PTPRN2: variants seen among roughly 807,000 people sequenced by gnomAD.
PTPRN2 encodes protein tyrosine phosphatase receptor type N2.
Under a neutral mutation model 118.8 loss-of-function variants are expected in PTPRN2, and 74 were observed. That is an observed-to-expected ratio of 0.62 (90% CI 0.52 to 0.76). PTPRN2 has a LOEUF of 0.76. Ranked by LOEUF, PTPRN2 falls within the 30% of genes least tolerant of loss-of-function variation. The probability of loss-of-function intolerance (pLI) is 0.00; values close to 1 mark genes in which losing one functional copy is unlikely to be tolerated. For synonymous variants in PTPRN2, 641 were observed against 608.0 expected, an observed-to-expected ratio of 1.05 and a Z score of -0.80; for missense variants, 1,481 against 1,394.4, an observed-to-expected ratio of 1.06 and a Z score of -0.99.
chr7:158,002,654 G>C (rs1188328923), intron 11 of PTPRN2, among the ~76,000 whole-genome samples: 1 of 152,220 alleles, frequency 6.6e-6, no homozygotes, highest in Non-Finnish European at 1.5e-5. Context: ...ACGGGGGTCA[G>C]GGAGCCTGGG....
At chr7:158,130,212 G>A (rs1004865066) in intron 9 of PTPRN2, among the ~76,000 whole-genome samples, 3 of 152,212 alleles carry the variant, frequency 2.0e-5, no homozygotes, top group East Asian at 1.9e-4. Context: ...TGCGAGGCTC[G>A]CAGAGCCCGC....
At chr7:158,472,902 G>A (rs545723040) in intron 2 of PTPRN2, among the ~76,000 whole-genome samples, 73 of 152,224 alleles carry the variant, frequency 4.8e-4, no homozygotes, top group South Asian at 1.7e-3. Context: ...AGAGAACCCG[G>A]CTGCAAATCA....
At chr7:158,387,574 C>CTAAAGCACTCTCTGGG (rs1554487904) in intron 2 of PTPRN2, among the ~76,000 whole-genome samples, 3 of 152,084 alleles carry the variant, frequency 2.0e-5, no homozygotes, top group African/African-American at 4.8e-5. Flanking sequence ...TCCCTGTCAG[C>CTAAAGCACTCTCTGGG]TCAGCTTGGC....
chr7:157,934,141 G>A (rs1991963), intron 11 of PTPRN2, among the ~76,000 whole-genome samples: 48,066 of 152,046 alleles, frequency 0.32, 9,493 homozygotes, highest in African/African-American at 0.54. Flanking sequence ...CCATCTTGCC[G>A]CTGGTGACGT....
At chr7:158,203,739 G>C (rs1239559369) in intron 4 of PTPRN2, among the ~76,000 whole-genome samples, 4 of 152,210 alleles carry the variant, frequency 2.6e-5, no homozygotes, top group African/African-American at 7.2e-5. Flanking sequence ...AACGCCCCCA[G>C]TGGAATTTAG....
rs142686450 is a variant in PTPRN2 at position 157,640,471 on chromosome 7, T to A, written c.2196+15886A>T. Among the ~76,000 whole-genome samples the A allele has an allele frequency of 1.5e-3, 222 of 152,078 alleles. 1 individual carries two copies. The highest frequency in any genetic ancestry group is 5.2e-3 in the African/African-American group (215 of 41,492). ...CATTAGAGGGGAGAATGGAAGAGAGTCAAATGTAAATTATATATGGTTTAT... is the reference window on the plus strand; with the variant it reads ...CATTAGAGGGGAGAATGGAAGAGAGACAAATGTAAATTATATATGGTTTAT... On this transcript the variant is annotated intron_variant, in intron 14 of 22. Transcript: ENST00000389418.
At chr7:157,542,874 G>A (rs1798081093) in intron 22 of PTPRN2, among the ~76,000 whole-genome samples, 1 of 152,220 alleles carries the variant, frequency 6.6e-6, no homozygotes, top group Admixed American at 6.5e-5. Context: ...GAGGGGTGCT[G>A]TGAGCCTCAG....
intron 2 of PTPRN2, among the ~76,000 whole-genome samples, chr7:158,458,601 C>T (rs998214550): frequency 6.6e-6 from 1 of 152,202 alleles, no homozygotes; most frequent in South Asian, 2.1e-4. Flanking sequence ...ATCACCCTCT[C>T]GTGCGGTCTC....
Position 157,596,054 on chromosome 7 carries a change from G to C in PTPRN2, c.2419-739C>G, listed in dbSNP as rs1801320146. ...CAGGCTGCCCTGTGTTCAGGAGAAC[G>C]AGCCTCTTGCTAGAGCCACAGGGCT... On this transcript the variant is annotated intron_variant, in intron 16 of 22. Transcript: ENST00000389418. This position sits in a 1 kb window ranked among gnomAD's most constrained non-coding sequence, Gnocchi z 4.2. Among the ~76,000 whole-genome samples the C allele has an allele frequency of 6.6e-6, 1 of 152,210 alleles. No individual in the cohort carries two copies. Among genetic ancestry groups the C allele is most frequent in the African/African-American group, 2.4e-5 (1 of 41,450 alleles).
At chr7:157,689,816 C>A (rs974267931) in intron 12 of PTPRN2, among the ~76,000 whole-genome samples, 1 of 152,324 alleles carries the variant, frequency 6.6e-6, no homozygotes, top group East Asian at 1.9e-4. Flanking sequence ...GCCTCTGGAA[C>A]GCCTCTCCCT....
intron 2 of PTPRN2, among the ~76,000 whole-genome samples, chr7:158,337,075 C>T (rs866101488): frequency 2.2e-4 from 30 of 136,320 alleles, no homozygotes; most frequent in Middle Eastern, 4.1e-3. Flanking sequence ...AGCTGACACC[C>T]GCAGACGTCA....
chr7:157,662,733 T>C (rs1275782072), intron 13 of PTPRN2, among the ~76,000 whole-genome samples: 1 of 152,162 alleles, frequency 6.6e-6, no homozygotes, highest in African/African-American at 2.4e-5. Context: ...GCCTCCTGGG[T>C]GGGCAGTGCT....
intron 12 of PTPRN2, among the ~76,000 whole-genome samples, chr7:157,826,877 C>T (rs1236394458): frequency 6.6e-6 from 1 of 152,094 alleles, no homozygotes; most frequent in Admixed American, 6.5e-5. Flanking sequence ...ATCCTGCGCA[C>T]GGGGCAGCGA....
chr7:157,706,122 T>C (rs1248716941), intron 12 of PTPRN2, among the ~76,000 whole-genome samples: 1 of 150,076 alleles, frequency 6.7e-6, no homozygotes, highest in East Asian at 2.0e-4. Context: ...ACCACATTCC[T>C]CCAGAATGCT....
chr7:158,502,270 T>C (rs1218840396), intron 1 of PTPRN2, among the ~76,000 whole-genome samples: 1 of 152,224 alleles, frequency 6.6e-6, no homozygotes, highest in African/African-American at 2.4e-5. Flanking sequence ...ACTTTTGTCC[T>C]ATAATAATTC....
At chr7:158,456,215 A>G (rs1225031741) in intron 2 of PTPRN2, among the ~76,000 whole-genome samples, 1 of 107,624 alleles carries the variant, frequency 9.3e-6, no homozygotes, top group South Asian at 3.3e-4. Context: ...CGCCATTGGC[A>G]ATGGCCCCCC....
chr7:157,984,602 C>T (rs530011799), intron 11 of PTPRN2, among the ~76,000 whole-genome samples: 20 of 152,158 alleles, frequency 1.3e-4, no homozygotes, highest in East Asian at 3.9e-4. Flanking sequence ...TGGGGGCTGG[C>T]GCTGTTCCCG....
At chr7:157,754,416 A>G (rs933439231) in intron 12 of PTPRN2, among the ~76,000 whole-genome samples, 33 of 152,252 alleles carry the variant, frequency 2.2e-4, no homozygotes, top group African/African-American at 8.0e-4. Flanking sequence ...TGGTCCAAGC[A>G]CTGAGTTCTA....
chr7:158,115,551 C>A (rs987770454), intron 9 of PTPRN2, among the ~76,000 whole-genome samples: 4 of 152,026 alleles, frequency 2.6e-5, no homozygotes, highest in African/African-American at 9.7e-5. Context: ...GTGGTCAGGT[C>A]ATGAGGGTGG....
Sources: gnomAD v4.1 joint callset for allele counts (sites outside exome capture counted in the v4.1 genomes callset) on GRCh38, gnomAD v4.1.1 for gene constraint, Gnocchi (gnomAD v3.1) non-coding constraint, MANE v1.5 for transcripts, NCBI Gene and HGNC (gene_info 2026-07-23, HGNC 2026-07-21) for gene names.